The following NR1H3 variants were observed in gnomAD, a reference collection of about 807,000 sequenced individuals.
The protein encoded by NR1H3 is oxysterols receptor LXR-alpha.
In NR1H3, 19 loss-of-function variants were observed where a neutral mutation model predicts 48.1. The ratio of observed to expected loss-of-function variants is 0.40; its 90% CI spans 0.28 to 0.58. The LOEUF (loss-of-function observed/expected upper bound fraction) is 0.58. NR1H3 is among the 20% of genes least tolerant of loss of function. The pLI is 0.50. For synonymous variants in NR1H3, 232 were observed against 227.3 expected (o/e 1.02, Z -0.19); for missense variants, 486 against 595.9 (o/e 0.82, Z 1.92).
At chr11:47,249,226 C>T (rs1432577852) in intron 1 of NR1H3, among the ~76,000 whole-genome samples, 1 of 152,100 alleles carries the variant, frequency 6.6e-6, no homozygotes, top group Non-Finnish European at 1.5e-5. Flanking sequence ...TCTCTCCACG[C>T]CCCTGCCTTT....
chr11:47,260,703 G>C (rs756770158), intron 4 of NR1H3, 28 bp downstream of exon 4: 44 of 1,570,084 alleles, frequency 2.8e-5, no homozygotes, highest in Non-Finnish European at 3.6e-5. Flanking sequence ...GAGTGGGGAA[G>C]AGGCTGAGGG....
At chr11:47,267,413 A>G (rs1956704493) in intron 7 of NR1H3, among the ~76,000 whole-genome samples, 1 of 152,162 alleles carries the variant, frequency 6.6e-6, no homozygotes, top group Non-Finnish European at 1.5e-5. Flanking sequence ...CTATACCAAC[A>G]ATTTTCTGAG....
intron 7 of NR1H3, among the ~76,000 whole-genome samples, chr11:47,264,464 G>A (rs1231594308): frequency 6.6e-6 from 1 of 152,254 alleles, no homozygotes; most frequent in Non-Finnish European, 1.5e-5. Flanking sequence ...CTGCCTGGAT[G>A]TATTGACACC....
chr11:47,255,541 T>TTCTCTTTCTTTCTTTC (rs1375767131), upstream of NR1H3, among the ~76,000 whole-genome samples: 1 of 71,582 alleles, frequency 1.4e-5, no homozygotes, highest in South Asian at 5.2e-4. Flanking sequence ...CTTTCTTTCT[T>TTCTCTTTCTTTCTTTC]TTTCTTTCTT....
At chr11:47,268,521 A>G (rs764664639) in intron 9 of NR1H3, 29 bp from the exon 10 acceptor site, 2 of 1,613,940 alleles carry the variant, frequency 1.2e-6, no homozygotes, top group East Asian at 2.2e-5. Context: ...GACAGGCAAA[A>G]GCTGTGTTTG....
At position 47,259,889 on chromosome 11, in the gene NR1H3, C is replaced by T; in HGVS notation, c.142C>T (p.His48Tyr). The T allele has an allele frequency of 6.2e-7, 1 of 1,612,938 alleles. No individual in the cohort carries two copies. The highest frequency in any genetic ancestry group is 8.5e-7 in the Non-Finnish European group (1 of 1,179,776). The change falls in exon 3 of 10, where the codon CAC (histidine) becomes TAC (tyrosine). Residue 48 changes from histidine to tyrosine, a missense_variant. By Grantham distance (83) the His-to-Tyr change is moderately conservative. Transcript: ENST00000441012. ...CILREEARMP[H>Y]SAGGTAGVGL... ...CCTCAGAGAGGAAGCCAGGATGCCC[C>T]ACTCTGCTGGGGGTACTGCAGGGGT...
chr11:47,263,570 A>G (rs1337269233), intron 7 of NR1H3, among the ~76,000 whole-genome samples: 1 of 147,606 alleles, frequency 6.8e-6, no homozygotes, highest in East Asian at 2.0e-4. Flanking sequence ...GCCACCACAC[A>G]CAGCCTCCCC....
At chr11:47,265,483 C>G (rs1163870653) in intron 7 of NR1H3, among the ~76,000 whole-genome samples, 10 of 152,168 alleles carry the variant, frequency 6.6e-5, no homozygotes, top group Non-Finnish European at 1.0e-4. Flanking sequence ...GAGACTTTGA[C>G]AATGTGTATG....
chr11:47,262,632 A>G (rs1384039096), intron 7 of NR1H3, among the ~76,000 whole-genome samples: 3 of 151,814 alleles, frequency 2.0e-5, no homozygotes, highest in Non-Finnish European at 4.4e-5. Flanking sequence ...CTCCTGCTTC[A>G]GCTTCTCAAG....
chr11:47,248,735 C>G (rs201174486), upstream of NR1H3: 1 of 1,610,832 alleles, frequency 6.2e-7, no homozygotes, highest in East Asian at 2.2e-5. Flanking sequence ...AGGTTCACGC[C>G]GAGAAGGAGC....
At chr11:47,264,658 T>C (rs1238564543) in intron 7 of NR1H3, among the ~76,000 whole-genome samples, 2 of 152,358 alleles carry the variant, frequency 1.3e-5, no homozygotes, top group East Asian at 1.9e-4. Flanking sequence ...TTGGCACTTG[T>C]AGACTCATGC....
At chr11:47,252,587 T>G (rs1270642358) in intron 1 of NR1H3, among the ~76,000 whole-genome samples, 2 of 151,022 alleles carry the variant, frequency 1.3e-5, no homozygotes, top group Non-Finnish European at 2.9e-5. Context: ...TTTTGTTTTG[T>G]TTTTGTGACA....
exon 1 of NR1H3, chr11:47,248,950 A>G (rs1262208229): frequency 2.0e-6 from 3 of 1,528,952 alleles, no homozygotes; most frequent in African/African-American, 1.4e-5. Flanking sequence ...TCTCGGTGGG[A>G]TTGCGTGCAG....
At chr11:47,249,636 A>G (rs1019257081) in intron 1 of NR1H3, among the ~76,000 whole-genome samples, 2 of 152,168 alleles carry the variant, frequency 1.3e-5, no homozygotes, top group African/African-American at 2.4e-5. Context: ...CACAGAATCA[A>G]TGGCCCTCTT....
rs375078947 is a variant in NR1H3 at position 47,268,775 on chromosome 11, T to C, written c.*79T>C. 3.6e-4 allele frequency: 547 copies of C among 1,521,114 alleles called. 11 individuals carry two copies. In the South Asian group the frequency reaches 5.8e-3, roughly 16 times the overall value. 94.2% of individuals were successfully genotyped at this position (1,521,114 alleles called of 1,614,324 possible). ...GCTGCCTCCTAGAAGTGGAACAGACTGAGAAGGGCAAACATTCCTGGGAGC... is the reference window on the plus strand; with the variant it reads ...GCTGCCTCCTAGAAGTGGAACAGACCGAGAAGGGCAAACATTCCTGGGAGC... On this transcript the variant is annotated 3_prime_UTR_variant, in exon 10 of 10. Transcript: ENST00000441012.
exon 1 of NR1H3, chr11:47,248,941 C>T: frequency 1.3e-6 from 2 of 1,533,642 alleles, no homozygotes; most frequent in Non-Finnish European, 1.7e-6. Flanking sequence ...AAGGCGCAGT[C>T]TCGGTGGGAT....
At position 47,260,251 on chromosome 11, in the gene NR1H3, C is replaced by T. The variant is rs575328480; in HGVS notation, c.233-158C>T. On this transcript the variant is annotated intron_variant, in intron 3 of 9. Transcript: ENST00000441012. ...TCATACAGTACCTAGAACATAATGG[C>T]ACTTGGCAAATGAGGGCTACTCTTC... is the stretch of plus-strand genomic sequence containing the variant. The T allele has an allele frequency of 2.9e-6, 3 of 1,021,260 alleles. No homozygotes were observed. In the East Asian group the frequency reaches 7.2e-5, roughly 25 times the overall value. 63.3% of individuals were successfully genotyped at this position (1,021,260 alleles called of 1,614,324 possible).
upstream of NR1H3, among the ~76,000 whole-genome samples, chr11:47,256,416 T>G (rs1040683279): frequency 6.6e-6 from 1 of 152,188 alleles, no homozygotes; most frequent in African/African-American, 2.4e-5. Flanking sequence ...TTCAGAGACG[T>G]TAAGTAACTT....
At chr11:47,260,043 G>T in intron 3 of NR1H3, 64 bp downstream of exon 3, 2 of 1,363,744 alleles carry the variant, frequency 1.5e-6, no homozygotes, top group African/African-American at 2.9e-5. Flanking sequence ...TCTGGAAGAG[G>T]TTCCTTGGGG....
Sources: gnomAD v4.1 joint callset for allele counts (sites outside exome capture counted in the v4.1 genomes callset) on GRCh38, gnomAD v4.1.1 for gene constraint, MANE v1.5 for transcripts, NCBI Gene and HGNC (gene_info 2026-07-23, HGNC 2026-07-21) for gene names.